The following ZMAT4 variants were observed in gnomAD, a reference collection of about 807,000 sequenced individuals.
ZMAT4 encodes zinc finger matrin-type protein 4.
A neutral mutation model predicts 28.7 loss-of-function variants in ZMAT4; 17 were observed. The observed-to-expected ratio is 0.59, with a 90% CI of 0.41 to 0.89. The LOEUF (loss-of-function observed/expected upper bound fraction) is 0.89, where lower values mean the gene tolerates loss of function less well. Ranked by LOEUF, ZMAT4 falls within the 40% of genes least tolerant of loss-of-function variation. The pLI is 0.00. For synonymous variants in ZMAT4, 117 were observed against 109.2 expected (o/e 1.07, Z -0.44); for missense variants, 240 against 283.8 (o/e 0.85, Z 1.11).
At chr8:40,595,090 AT>A (rs1805043545) in intron 5 of ZMAT4, among the ~76,000 whole-genome samples, 1 of 152,236 alleles carries the variant, frequency 6.6e-6, no homozygotes, top group Non-Finnish European at 1.5e-5. Context: ...AAAAGGATAT[AT>A]TGAAAATCGT....
chr8:40,843,128 C>G (rs769736948), intron 1 of ZMAT4, among the ~76,000 whole-genome samples: 3 of 152,238 alleles, frequency 2.0e-5, no homozygotes, highest in Non-Finnish European at 4.4e-5. Context: ...CTCTGAAATG[C>G]AAGCCCCTGA....
At chr8:40,799,063 T>TTGGCTGGC (rs201231430) in intron 2 of ZMAT4, among the ~76,000 whole-genome samples, 40 of 146,250 alleles carry the variant, frequency 2.7e-4, no homozygotes, top group African/African-American at 1.0e-3. Flanking sequence ...GGCTGGCTGG[T>TTGGCTGGC]TGGCTGGCTG....
At chr8:40,653,908 C>G (rs189575514) in intron 5 of ZMAT4, among the ~76,000 whole-genome samples, 3 of 152,292 alleles carry the variant, frequency 2.0e-5, no homozygotes, top group African/African-American at 7.2e-5. Context: ...CCAACTCACT[C>G]TATAAGTTGC....
Position 40,783,112 on chromosome 8 carries a change from G to A in ZMAT4, c.103-15382C>T, listed in dbSNP as rs544933865. Among the ~76,000 whole-genome samples, 99 of 152,318 alleles carry A rather than the reference G, an allele frequency of 6.5e-4. No homozygotes were observed. In the South Asian group the frequency reaches 0.019, roughly 29 times the overall value. On this transcript the variant is annotated intron_variant, in intron 2 of 6. Transcript: ENST00000297737. ...TTCACACAAAAACTTGTCCATGACT[G>A]TAGTAGCATTATTCATAATAATCAG...
chr8:40,562,811 T>C (rs1401144430), intron 6 of ZMAT4, among the ~76,000 whole-genome samples: 1 of 152,112 alleles, frequency 6.6e-6, no homozygotes, highest in Non-Finnish European at 1.5e-5. Flanking sequence ...TGTTTTTTTC[T>C]CCCTTGACTT....
chr8:40,729,198 G>C (rs1390892481), intron 3 of ZMAT4, among the ~76,000 whole-genome samples: 1 of 152,180 alleles, frequency 6.6e-6, no homozygotes, highest in African/African-American at 2.4e-5. Context: ...GGAGGGCTAG[G>C]ACATGATGTC....
At chr8:40,618,830 G>A (rs1443270544) in intron 5 of ZMAT4, among the ~76,000 whole-genome samples, 1 of 152,180 alleles carries the variant, frequency 6.6e-6, no homozygotes, top group African/African-American at 2.4e-5. Context: ...TCTTGGTTTG[G>A]GTTTCCCCAG....
At chr8:40,676,581 CT>C (rs59040978) in intron 4 of ZMAT4, among the ~76,000 whole-genome samples, 2,147 of 151,198 alleles carry the variant, frequency 0.014, 39 homozygotes, top group African/African-American at 0.05. Context: ...TTTAGGTGGA[CT>C]TTTTTTTTGA....
chr8:40,777,613 G>A (rs1813652375), intron 2 of ZMAT4, among the ~76,000 whole-genome samples: 1 of 152,230 alleles, frequency 6.6e-6, no homozygotes, highest in South Asian at 2.1e-4. Flanking sequence ...GGGCAGAGGG[G>A]CGGAGGGCAT....
intron 6 of ZMAT4, among the ~76,000 whole-genome samples, chr8:40,547,089 A>T (rs1182888435): frequency 2.0e-5 from 3 of 152,218 alleles, no homozygotes; most frequent in Non-Finnish European, 2.9e-5. Flanking sequence ...AAAGCAGCTT[A>T]TGTTAATAAA....
chr8:40,613,252 A>G (rs2589879), intron 5 of ZMAT4, among the ~76,000 whole-genome samples: 109,333 of 142,032 alleles, frequency 0.77, 42,059 homozygotes, highest in East Asian at 0.97. Flanking sequence ...GTGGGATCTC[A>G]GCTCACTGAA....
chr8:40,808,948 T>C (rs927663507), intron 2 of ZMAT4, among the ~76,000 whole-genome samples: 1 of 152,168 alleles, frequency 6.6e-6, no homozygotes, highest in Admixed American at 6.5e-5. Context: ...TTACTTTCCT[T>C]TGGGTATATA....
chr8:40,746,522 C>G (rs531285549), intron 3 of ZMAT4, among the ~76,000 whole-genome samples: 3 of 151,858 alleles, frequency 2.0e-5, no homozygotes, highest in South Asian at 2.1e-4. Flanking sequence ...TATCACCACA[C>G]CCAGTTAATT....
At chr8:40,896,664 C>T (rs891329397) in intron 1 of ZMAT4, among the ~76,000 whole-genome samples, 1 of 152,154 alleles carries the variant, frequency 6.6e-6, no homozygotes, top group Non-Finnish European at 1.5e-5. Context: ...GCAAGAGAGG[C>T]CCCTGAGGTC....
chr8:40,558,380 C>A (rs887008759), intron 6 of ZMAT4, among the ~76,000 whole-genome samples: 5 of 152,030 alleles, frequency 3.3e-5, no homozygotes, highest in Admixed American at 3.3e-4. Flanking sequence ...AGTTAGGAAG[C>A]TGTCGTGGGC....
At chr8:40,623,958 T>C (rs1234982811) in intron 5 of ZMAT4, among the ~76,000 whole-genome samples, 1 of 152,186 alleles carries the variant, frequency 6.6e-6, no homozygotes, top group Non-Finnish European at 1.5e-5. Context: ...CTTGGCTTGC[T>C]TCACTGGTCT....
In ZMAT4 at chr8:40,845,321, C is replaced by G. The variant is rs538540044; in HGVS notation, c.-4-19641G>C. On this transcript the variant is annotated intron_variant, in intron 1 of 6. Coordinates refer to ENST00000297737, the MANE Select transcript of ZMAT4 (RefSeq NM_024645.3). ...TATTATTTTCAAAAGCCTTGCTTCTCTAGAGAAAACACTCTTATTTCAAGA... is the reference window on the plus strand; with the variant it reads ...TATTATTTTCAAAAGCCTTGCTTCTGTAGAGAAAACACTCTTATTTCAAGA... Among the ~76,000 whole-genome samples, 4 of 152,256 alleles carry G rather than the reference C, an allele frequency of 2.6e-5. No individual in the cohort carries two copies. In the South Asian group the frequency reaches 8.3e-4, roughly 32 times the overall value.
At chr8:40,621,850 A>C (rs2118693225) in intron 5 of ZMAT4, among the ~76,000 whole-genome samples, 1 of 152,314 alleles carries the variant, frequency 6.6e-6, no homozygotes, top group East Asian at 1.9e-4. Context: ...TGAATTGTTC[A>C]AGGCAAGTTA....
chr8:40,642,685 T>C (rs999596949), intron 5 of ZMAT4, among the ~76,000 whole-genome samples: 5 of 152,196 alleles, frequency 3.3e-5, no homozygotes, highest in African/African-American at 7.2e-5. Context: ...ATTAATATTC[T>C]CTCCATTTCT....
Sources: allele counts gnomAD v4.1 joint callset (sites outside exome capture counted in the v4.1 genomes callset), GRCh38; gene constraint gnomAD v4.1.1; transcripts MANE v1.5; gene names NCBI Gene and HGNC (gene_info 2026-07-23, HGNC 2026-07-21).